NR4A3: variants seen among roughly 807,000 people sequenced by gnomAD.
NR4A3 encodes chondrosarcoma, extraskeletal myxoid, fused to EWS.
In NR4A3, 13 loss-of-function variants were observed where a neutral mutation model predicts 55.6. That is an observed-to-expected ratio of 0.23 (90% CI 0.15 to 0.37). The LOEUF is 0.37. Ranked by LOEUF, NR4A3 falls within the 10% of genes least tolerant of loss-of-function variation. The pLI, the probability that NR4A3 is intolerant of heterozygous loss-of-function variation, is 1.00. For synonymous variants in NR4A3, 342 were observed against 357.9 expected, an observed-to-expected ratio of 0.96 and a Z score of 0.50; for missense variants, 646 against 822.8, an observed-to-expected ratio of 0.79 and a Z score of 2.63.
chr9:99,838,559 G>A (rs1918010), intron 5 of NR4A3, among the ~76,000 whole-genome samples: 1 of 152,342 alleles, frequency 6.6e-6, no homozygotes, highest in African/African-American at 2.4e-5. Flanking sequence ...AAATGGTAAA[G>A]AGATTAAGCT....
chr9:99,864,270 T>C lies in NR4A3; in HGVS notation c.*403T>C. 4.0e-6 allele frequency: 1 copy of C among 246,950 alleles called. No homozygotes were observed. Among genetic ancestry groups the C allele is most frequent in the Non-Finnish European group, 8.0e-6 (1 of 124,938 alleles). The allele number at this position is 246,950 out of a possible 1,614,324, so 15.3% of individuals were successfully genotyped here. On this transcript the variant is annotated 3_prime_UTR_variant, in exon 8 of 8. Coordinates refer to ENST00000395097, the MANE Select transcript of NR4A3 (RefSeq NM_006981.4). ...TTTAAAAACAAGAACAGCCAAGGGTTGTTCGCCAGGGTAGGATGTGTCTTA... is the reference window on the plus strand; with the variant it reads ...TTTAAAAACAAGAACAGCCAAGGGTCGTTCGCCAGGGTAGGATGTGTCTTA...
chr9:99,832,952 T>C (rs1827475502), intron 4 of NR4A3, 134 bp downstream of exon 4: 1 of 762,114 alleles, frequency 1.3e-6, no homozygotes, highest in African/African-American at 1.8e-5. Flanking sequence ...TTTTATCATA[T>C]ATATCTACAT....
At chr9:99,832,617 A>T in intron 3 of NR4A3, 72 bp from the exon 4 acceptor site, 1 of 1,278,036 alleles carries the variant, frequency 7.8e-7, no homozygotes, top group Non-Finnish European at 1.1e-6. Context: ...CATTGTAATT[A>T]AAATACATCT....
rs755071821 is a variant in NR4A3, at chr9:99,828,019, A to G, written c.-2-22A>G. On this transcript the variant is annotated intron_variant, in intron 2 of 7. Transcript: ENST00000395097. This position sits in a 1 kb window ranked among gnomAD's most constrained non-coding sequence, Gnocchi z 7.7. Reference sequence around the variant, plus strand: ...ACAAGTGTTAACTTGCTTCTGAGAGACCCTTTTCTCTGTCCCTGCAGATAT... The same window carrying G: ...ACAAGTGTTAACTTGCTTCTGAGAGGCCCTTTTCTCTGTCCCTGCAGATAT... 1.5e-5 allele frequency: 24 copies of G among 1,593,756 alleles called. No homozygotes were observed. The highest frequency in any genetic ancestry group is 1.8e-5 in the Non-Finnish European group (21 of 1,168,664).
intron 2 of NR4A3, among the ~76,000 whole-genome samples, chr9:99,827,572 T>G (rs142706335): frequency 1.1e-4 from 16 of 152,306 alleles, no homozygotes; most frequent in African/African-American, 3.6e-4. Context: ...ACAGGGTAGT[T>G]TTTCTTGCCT....
At position 99,853,474 on chromosome 9, in the gene NR4A3, C is replaced by T. The variant is rs1178633095; in HGVS notation, c.1633+5859C>T. The stretch of plus-strand genomic sequence containing the variant: ...GGTATATCTCCCAATGCTATCCCTC[C>T]CCCCTCCCCCGACCCCACCACAGTC... On this transcript the variant is annotated intron_variant, in intron 7 of 7. Transcript: ENST00000395097. 5.0e-5 allele frequency among the ~76,000 whole-genome samples: 5 copies of T among 100,266 alleles called. No individual in the cohort carries two copies. In the East Asian group the frequency reaches 1.5e-3, roughly 29 times the overall value. 65.8% of individuals were successfully genotyped at this position (100,266 alleles called of 152,430 possible).
intron 7 of NR4A3, among the ~76,000 whole-genome samples, chr9:99,852,760 G>A (rs1827871433): frequency 1.3e-5 from 2 of 152,116 alleles, no homozygotes. Context: ...TGAGAAGGAG[G>A]AAGGAGGGCA....
At position 99,860,601 on chromosome 9, in the gene NR4A3, C is replaced by CA. The variant is rs375347092; in HGVS notation, c.1634-3018dup. ...CTGCATGCAGGATTCTCTTAAAATT[C>CA]ATTCTCTTAAAATTCACAACAGTCT... On this transcript the variant is annotated intron_variant, in intron 7 of 7. Transcript: ENST00000395097. Among the ~76,000 whole-genome samples the CA allele has an allele frequency of 3.3e-3, 510 of 152,292 alleles. 3 individuals carry two copies. The highest frequency in any genetic ancestry group is 0.012 in the African/African-American group (497 of 41,570).
At chr9:99,840,140 C>CTGA (rs1827627736) in intron 5 of NR4A3, among the ~76,000 whole-genome samples, 1 of 152,246 alleles carries the variant, frequency 6.6e-6, no homozygotes, top group African/African-American at 2.4e-5. Flanking sequence ...CTCCAAAATT[C>CTGA]TGAGACTTGG....
chr9:99,822,320 G>C lies in NR4A3; in HGVS notation c.-264G>C, dbSNP rs1257331917. 1 of 152,412 alleles carries C rather than the reference G, an allele frequency of 6.6e-6. No homozygotes were observed. The highest frequency in any genetic ancestry group is 2.4e-5 in the African/African-American group (1 of 41,428). 9.4% of individuals were successfully genotyped at this position (152,412 alleles called of 1,614,324 possible). On this transcript the variant is annotated 5_prime_UTR_variant, in exon 1 of 8. Transcript: ENST00000395097. This position sits in a 1 kb window ranked among gnomAD's most constrained non-coding sequence, Gnocchi z 4.9. ...GGGCTTGTACACCGCAGCCCTTCCG[G>C]GACAGCAGCTGTGACTCCCCCCCAG...
chr9:99,862,900 G>T (rs1472568228), intron 7 of NR4A3, among the ~76,000 whole-genome samples: 2 of 152,062 alleles, frequency 1.3e-5, no homozygotes, highest in African/African-American at 2.4e-5. Flanking sequence ...CTTCTCTTTG[G>T]CTTTTCCATC....
intron 5 of NR4A3, among the ~76,000 whole-genome samples, chr9:99,843,024 G>C (rs547907998): frequency 6.6e-6 from 1 of 152,348 alleles, no homozygotes; most frequent in Admixed American, 6.5e-5. Context: ...TTAAATCTCT[G>C]TGTTGTTGGC....
intron 7 of NR4A3, among the ~76,000 whole-genome samples, chr9:99,863,114 A>C (rs1043336845): frequency 6.6e-5 from 10 of 151,934 alleles, no homozygotes. Context: ...CAGCCTCCCC[A>C]CCTCCCTTAA....
At chr9:99,861,876 AG>A (rs1331699342) in intron 7 of NR4A3, among the ~76,000 whole-genome samples, 1 of 152,126 alleles carries the variant, frequency 6.6e-6, no homozygotes. Context: ...GGATCACTTG[AG>A]CCCAAGAGTT....
chr9:99,828,495 G>C lies in NR4A3; in HGVS notation c.453G>C (p.Gln151His). ...STPTTPAFPP[Q>H]AGALWDEALP... ...CCACCACGCCGGCCTTCCCCCCGCA[G>C]GCGGGGGCGTTATGGGACGAGGCAC... is the stretch of plus-strand genomic sequence containing the variant. The change falls in exon 3 of 8, where the codon CAG becomes CAC. Residue 151 changes from glutamine (Q) to histidine (H), a missense_variant. Coordinates refer to ENST00000395097, the MANE Select transcript of NR4A3 (RefSeq NM_006981.4). The surrounding 1 kb of genome is among the most constrained non-coding windows in gnomAD (Gnocchi z 7.7). The C allele has an allele frequency of 8.2e-6, 13 of 1,582,020 alleles. No individual in the cohort carries two copies. Among genetic ancestry groups the C allele is most frequent in the Non-Finnish European group, 1.1e-5 (13 of 1,165,684 alleles).
In NR4A3 at chr9:99,828,476, C is replaced by G. The variant is rs779838192; in HGVS notation, c.434C>G (p.Thr145Arg). Residue 145 changes from threonine to arginine, a missense_variant, in exon 3 of 8, where the codon ACG (threonine) becomes AGG (arginine). Transcript: ENST00000395097. The surrounding 1 kb of genome is among the most constrained non-coding windows in gnomAD (Gnocchi z 7.7). ...CAGTCCCCACCGTCCACCCCCACCA[C>G]GCCGGCCTTCCCCCCGCAGGCGGGG... ...FKQSPPSTPT[T>R]PAFPPQAGAL... The G allele has an allele frequency of 1.2e-5, 19 of 1,576,154 alleles. No individual in the cohort carries two copies. The highest frequency in any genetic ancestry group is 1.6e-5 in the Non-Finnish European group (19 of 1,162,786).
At chr9:99,859,524 G>A (rs1587889387) in intron 7 of NR4A3, among the ~76,000 whole-genome samples, 1 of 152,324 alleles carries the variant, frequency 6.6e-6, no homozygotes, top group East Asian at 1.9e-4. Context: ...AAAGAGGGTT[G>A]AGGTGCCTTT....
chr9:99,824,918 C>G (rs2118494147), intron 1 of NR4A3, among the ~76,000 whole-genome samples: 1 of 152,328 alleles, frequency 6.6e-6, no homozygotes, highest in South Asian at 2.1e-4. Flanking sequence ...AGCCGCCCAC[C>G]CTCGAAGACA....
intron 5 of NR4A3, among the ~76,000 whole-genome samples, chr9:99,842,187 G>A (rs1193535174): frequency 2.0e-5 from 3 of 149,022 alleles, no homozygotes; most frequent in African/African-American, 7.5e-5. Context: ...TTAAATAAGC[G>A]TCTCATTTCC....
Sources: allele counts gnomAD v4.1 joint callset (sites outside exome capture counted in the v4.1 genomes callset), GRCh38; gene constraint gnomAD v4.1.1; non-coding constraint Gnocchi (gnomAD v3.1); transcripts MANE v1.5; gene names NCBI Gene and HGNC (gene_info 2026-07-23, HGNC 2026-07-21).